ITPR2: variants seen among roughly 807,000 people sequenced by gnomAD.
ITPR2 encodes the protein inositol 1,4,5-trisphosphate receptor type 2.
Under a neutral mutation model 317.1 loss-of-function variants are expected in ITPR2, and 207 were observed. The ratio of observed to expected loss-of-function variants is 0.65; its 90% CI spans 0.58 to 0.73. The LOEUF (loss-of-function observed/expected upper bound fraction) is 0.73. ITPR2 is among the 30% of genes least tolerant of loss of function. The pLI, the probability that ITPR2 is intolerant of heterozygous loss-of-function variation, is 0.00. For missense variants in ITPR2, 2,613 were observed against 3,284.0 expected (o/e 0.80, Z 4.99); for synonymous variants, 1,156 against 1,149.1 (o/e 1.01, Z -0.12).
At chr12:26,491,297 C>A (rs1190073630) in intron 39 of ITPR2, among the ~76,000 whole-genome samples, 2 of 151,682 alleles carry the variant, frequency 1.3e-5, no homozygotes, top group African/African-American at 2.4e-5. Context: ...TCCTGGCTAA[C>A]ACAGTGAAAC....
Position 26,595,540 on chromosome 12 carries a change from T to C in ITPR2, c.4305A>G (p.Glu1435=). ...TTGTATAGATTTCTTTCATTTCCAC[T>C]TCAGTGTCAACATAACAGTGATTAA... ...NFVNHCYVDT[E]VEMKEIYTSN... The change falls in exon 32 of 57, where the codon GAA becomes GAG. Residue 1435 remains glutamate, a synonymous_variant. Coordinates refer to ENST00000381340, the MANE Select transcript of ITPR2 (RefSeq NM_002223.4). The C allele has an allele frequency of 6.2e-7, 1 of 1,606,654 alleles. No homozygotes were observed. The highest frequency in any genetic ancestry group is 8.5e-7 in the Non-Finnish European group (1 of 1,177,342).
intron 2 of ITPR2, among the ~76,000 whole-genome samples, chr12:26,789,195 G>T (rs1047331786): frequency 6.6e-6 from 1 of 152,178 alleles, no homozygotes; most frequent in Non-Finnish European, 1.5e-5. Flanking sequence ...TTAACTCAAA[G>T]GACATTTTTT....
Position 26,584,894 on chromosome 12 carries a change from T to C in ITPR2, c.4381-4739A>G, listed in dbSNP as rs199841201. Among the ~76,000 whole-genome samples the C allele has an allele frequency of 3.3e-5, 5 of 152,236 alleles. No homozygotes were observed. The East Asian group carries it at 9.6e-4, about 29-fold the overall frequency. ...CAGTAAAAATGTTCCTCTAAATATC[T>C]GAGGTGATATCTCATATTTATTTTA... On this transcript the variant is annotated intron_variant, in intron 32 of 56. Transcript: ENST00000381340.
intron 2 of ITPR2, among the ~76,000 whole-genome samples, chr12:26,786,330 T>A (rs1437234863): frequency 8.0e-6 from 1 of 124,476 alleles, no homozygotes; most frequent in African/African-American, 3.1e-5. Context: ...GGCCGCAGGG[T>A]CCTCTGCCTA....
At chr12:26,657,669 G>T in intron 18 of ITPR2, 38 bp downstream of exon 18, 1 of 1,556,170 alleles carries the variant, frequency 6.4e-7, no homozygotes, top group South Asian at 1.1e-5. Context: ...TAATATGTGA[G>T]ACTGGGAATT....
At chr12:26,795,617 A>G (rs762798437) in intron 1 of ITPR2, among the ~76,000 whole-genome samples, 2 of 152,242 alleles carry the variant, frequency 1.3e-5, no homozygotes, top group Non-Finnish European at 2.9e-5. Flanking sequence ...CATCCACCCA[A>G]GGACAATATA....
chr12:26,538,775 C>T (rs1307112499), intron 37 of ITPR2, among the ~76,000 whole-genome samples: 1 of 152,040 alleles, frequency 6.6e-6, no homozygotes, highest in Non-Finnish European at 1.5e-5. Flanking sequence ...CAGGGTTTCA[C>T]CGTGCTGGCC....
chr12:26,815,817 G>A (rs1038239738), intron 1 of ITPR2, among the ~76,000 whole-genome samples: 8 of 152,120 alleles, frequency 5.3e-5, no homozygotes, highest in Admixed American at 3.9e-4. Context: ...TACTGTGGCC[G>A]GCGCGGTGGC....
chr12:26,827,765 G>A (rs1419255077), intron 1 of ITPR2, among the ~76,000 whole-genome samples: 1 of 152,114 alleles, frequency 6.6e-6, no homozygotes, highest in African/African-American at 2.4e-5. Flanking sequence ...CATGCTACTA[G>A]CCATCATGCA....
chr12:26,650,717 T>C (rs751915243), intron 21 of ITPR2, among the ~76,000 whole-genome samples: 1 of 152,182 alleles, frequency 6.6e-6, no homozygotes, highest in Non-Finnish European at 1.5e-5. Flanking sequence ...ATAATTTAGT[T>C]TAGATTGAAG....
intron 10 of ITPR2, among the ~76,000 whole-genome samples, chr12:26,692,293 A>G (rs1948256050): frequency 6.6e-6 from 1 of 152,218 alleles, no homozygotes; most frequent in Non-Finnish European, 1.5e-5. Flanking sequence ...GTTAGTTGCC[A>G]CAATCAGGGA....
At chr12:26,516,690 T>C (rs1369421598) in intron 37 of ITPR2, among the ~76,000 whole-genome samples, 1 of 152,082 alleles carries the variant, frequency 6.6e-6, no homozygotes, top group Non-Finnish European at 1.5e-5. Flanking sequence ...AGCAAAAAGA[T>C]AAGAAATTCA....
chr12:26,436,386 A>G, intron 47 of ITPR2, 40 bp from the exon 48 acceptor site: 1 of 1,571,390 alleles, frequency 6.4e-7, no homozygotes, highest in Non-Finnish European at 8.6e-7. Context: ...ACAGGAAAAT[A>G]CATTTTGGTT....
intron 2 of ITPR2, among the ~76,000 whole-genome samples, chr12:26,766,017 T>C (rs1026462873): frequency 2.0e-5 from 3 of 152,200 alleles, no homozygotes; most frequent in African/African-American, 4.8e-5. Context: ...TGTAGGGATA[T>C]ATCGTATTGT....
intron 34 of ITPR2, among the ~76,000 whole-genome samples, chr12:26,571,806 T>A (rs1161115202): frequency 1.3e-5 from 2 of 152,250 alleles, no homozygotes; most frequent in Non-Finnish European, 2.9e-5. Context: ...TGCTTGCTGC[T>A]CTCAGCAAAG....
chr12:26,442,627 C>T (rs1033710642), intron 46 of ITPR2, among the ~76,000 whole-genome samples: 5 of 152,064 alleles, frequency 3.3e-5, no homozygotes, highest in African/African-American at 7.2e-5. Flanking sequence ...AATGTTTTTG[C>T]TGCTAGTCCA....
At chr12:26,379,474 CT>C (rs1194005882) in intron 55 of ITPR2, among the ~76,000 whole-genome samples, 1 of 152,084 alleles carries the variant, frequency 6.6e-6, no homozygotes, top group Non-Finnish European at 1.5e-5. Flanking sequence ...CATAGCAGCT[CT>C]GCAAAAAAAG....
chr12:26,418,939 G>T, intron 50 of ITPR2, 110 bp downstream of exon 50: 2 of 833,344 alleles, frequency 2.4e-6, no homozygotes, highest in Non-Finnish European at 3.5e-6. Flanking sequence ...AACATAATTT[G>T]TCCTAAATGT....
At chr12:26,787,922 C>CTTTTT (rs71069268) in intron 2 of ITPR2, among the ~76,000 whole-genome samples, 377 of 120,180 alleles carry the variant, frequency 3.1e-3, no homozygotes, top group Non-Finnish European at 5.3e-3. Context: ...GGTGACTATC[C>CTTTTT]TTTTTTTTTT....
Sources: allele counts gnomAD v4.1 joint callset (sites outside exome capture counted in the v4.1 genomes callset), GRCh38; gene constraint gnomAD v4.1.1; transcripts MANE v1.5; gene names NCBI Gene and HGNC (gene_info 2026-07-23, HGNC 2026-07-21).